SIK2: variants seen among roughly 807,000 people sequenced by gnomAD.
SIK2 encodes the protein salt inducible kinase 2.
A neutral mutation model predicts 103.2 loss-of-function variants in SIK2; 29 were observed. That is an observed-to-expected ratio of 0.28 (90% confidence interval 0.21 to 0.38). The LOEUF (loss-of-function observed/expected upper bound fraction) is 0.38, where lower values mean the gene tolerates loss of function less well. Among genes scored for constraint, SIK2 ranks in the 10% least tolerant of loss-of-function variants. The pLI, the probability that SIK2 is intolerant of heterozygous loss-of-function variation, is 1.00. For synonymous variants in SIK2, 412 were observed against 446.1 expected (o/e 0.92, Z 0.96); for missense variants, 879 against 1,171.0 (o/e 0.75, Z 3.64).
In SIK2 at chr11:111,729,167, AG is replaced by A. The variant is rs1845392359; in HGVS notation, c.*5039del. ...ATTTTTGTCCTAATTAAGGTAGCCT[AG>A]CTGATTCTAGAAGACAGCCATCCTA... On this transcript the variant is annotated 3_prime_UTR_variant, in exon 15 of 15. Transcript: ENST00000304987. The A allele has an allele frequency of 6.6e-6, 1 of 152,160 alleles. No individual in the cohort carries two copies. Among genetic ancestry groups the A allele is most frequent in the Non-Finnish European group, 1.5e-5 (1 of 68,028 alleles). 9.4% of individuals were successfully genotyped at this position (152,160 alleles called of 1,614,324 possible). A position where few individuals can be genotyped will look rare whatever the true frequency, so the allele number is the denominator to read the frequency against.
intron 3 of SIK2, among the ~76,000 whole-genome samples, chr11:111,623,163 C>G (rs1941916896): frequency 6.6e-6 from 1 of 152,136 alleles, no homozygotes; most frequent in Non-Finnish European, 1.5e-5. Flanking sequence ...CGAATCTTTT[C>G]TTCTGCCATT....
intron 3 of SIK2, among the ~76,000 whole-genome samples, chr11:111,684,701 C>T (rs2135890588): frequency 6.6e-6 from 1 of 152,306 alleles, no homozygotes; most frequent in South Asian, 2.1e-4. Flanking sequence ...GCAGAGAAGG[C>T]ACATTGTCTA....
At chr11:111,639,647 C>T (rs150186988) in intron 3 of SIK2, among the ~76,000 whole-genome samples, 456 of 152,274 alleles carry the variant, frequency 3.0e-3, no homozygotes, top group African/African-American at 0.01. Context: ...TTGTTTTCTG[C>T]CTTAAATGAG....
At chr11:111,713,860 G>A (rs565409876) in intron 9 of SIK2, among the ~76,000 whole-genome samples, 5 of 152,206 alleles carry the variant, frequency 3.3e-5, no homozygotes, top group East Asian at 1.9e-4. Flanking sequence ...CCAGCTACTC[G>A]GGAGGCTGAG....
Position 111,729,218 on chromosome 11 carries a change from ATCT to A in SIK2, c.*5093_*5095del. 1 of 152,344 alleles carries A rather than the reference ATCT, an allele frequency of 6.6e-6. No homozygotes were observed. The highest frequency in any genetic ancestry group is 2.4e-5 in the African/African-American group (1 of 41,572). 9.4% of individuals were successfully genotyped at this position (152,344 alleles called of 1,614,324 possible). On this transcript the variant is annotated 3_prime_UTR_variant, in exon 15 of 15. Transcript: ENST00000304987. ...ACGTGCACCCCCACCTTGTGTCCAC[ATCT>A]TCTCCAGGCAGGTTTCAACCTATCA...
chr11:111,702,421 C>A (rs1306727868), intron 6 of SIK2, among the ~76,000 whole-genome samples: 1 of 152,048 alleles, frequency 6.6e-6, no homozygotes, highest in African/African-American at 2.4e-5. Context: ...CCTGTCTCTA[C>A]AAAAAAGTTT....
Position 111,719,885 on chromosome 11 carries a change from A to G in SIK2, c.1377A>G (p.Glu459=), listed in dbSNP as rs755658830. Residue 459 remains glutamate (E), a synonymous_variant, in exon 10 of 15, where the codon GAA becomes GAG. Transcript: ENST00000304987. ...CCATTGACGAAGGGCTGGAGACAGA[A>G]GGAGAGGCCGAGGAAGACCCCGCTC... ...ETSIDEGLET[E]GEAEEDPAHA... is the part of the protein sequence containing the mutation. The G allele has an allele frequency of 1.2e-6, 2 of 1,614,168 alleles. No homozygotes were observed. Among genetic ancestry groups the G allele is most frequent in the South Asian group, 2.2e-5 (2 of 91,084 alleles).
rs1941600487 is a variant in SIK2, at chr11:111,602,750, G to A, written c.135+52G>A. ...TCCGAGGCGAGGGTTCGGGAGAGGA[G>A]CTGCTTACCGAGAGGGGCGGCCGCA... On this transcript the variant is annotated intron_variant, in intron 1 of 14. Coordinates refer to ENST00000304987, the MANE Select transcript of SIK2 (RefSeq NM_015191.3). This position sits in a 1 kb window ranked among gnomAD's most constrained non-coding sequence, Gnocchi z 4.5. 2.1e-6 allele frequency: 3 copies of A among 1,438,024 alleles called. No homozygotes were observed. Among genetic ancestry groups the A allele is most frequent in the African/African-American group, 1.5e-5 (1 of 67,182 alleles). The allele number at this position is 1,438,024 out of a possible 1,614,324, so 89.1% of individuals were successfully genotyped here.
intron 1 of SIK2, among the ~76,000 whole-genome samples, chr11:111,606,956 GA>G (rs61590310): frequency 3.9e-4 from 55 of 139,368 alleles, no homozygotes; most frequent in African/African-American, 1.3e-3. Flanking sequence ...TCATTAAAAA[GA>G]AAAAAAAAAA....
At chr11:111,721,155 C>T (rs1943788965) in intron 12 of SIK2, 93 bp downstream of exon 12, 7 of 1,437,632 alleles carry the variant, frequency 4.9e-6, no homozygotes, top group South Asian at 1.4e-5. Flanking sequence ...GGATTTCCTC[C>T]AGTCCTGGAG....
chr11:111,645,956 G>A (rs1942250570), intron 3 of SIK2, among the ~76,000 whole-genome samples: 1 of 152,142 alleles, frequency 6.6e-6, no homozygotes, highest in South Asian at 2.1e-4. Flanking sequence ...CTTCATGGTG[G>A]TTATGTAGGT....
chr11:111,693,085 G>C (rs1942986466), intron 4 of SIK2, among the ~76,000 whole-genome samples: 1 of 152,096 alleles, frequency 6.6e-6, no homozygotes. Flanking sequence ...TGTAATCCCA[G>C]CACTTTGAGG....
Position 111,726,718 on chromosome 11 carries a change from A to C in SIK2, c.*2589A>C, listed in dbSNP as rs533612. 4.0e-5 allele frequency: 20 copies of C among 502,882 alleles called. No individual in the cohort carries two copies. Among genetic ancestry groups the C allele is most frequent in the Non-Finnish European group, 6.4e-5 (18 of 279,982 alleles). The allele number at this position is 502,882 out of a possible 1,614,324, so 31.2% of individuals were successfully genotyped here. On this transcript the variant is annotated 3_prime_UTR_variant, in exon 15 of 15. Transcript: ENST00000304987. ...TTTCTCTTCATCACTACTAACAAAC[A>C]AAACACTAAGAAGGCTTAGTATCGC...
Position 111,723,881 on chromosome 11 carries a change from T to A in SIK2, c.2533T>A (p.Ser845Thr), listed in dbSNP as rs1268317204. The A allele has an allele frequency of 6.2e-7, 1 of 1,610,240 alleles. No individual in the cohort carries two copies. Among genetic ancestry groups the A allele is most frequent in the Non-Finnish European group, 8.5e-7 (1 of 1,177,570 alleles). ...PGAAPAPLQF[S>T]YQTCELPSAA... is the part of the protein sequence containing the mutation. ...AGCTGCCCCAGCCCCCTTACAGTTC[T>A]CCTATCAGACTTGTGAGCTGCCAAG... The change falls in exon 15 of 15, where the codon TCC (serine) becomes ACC (threonine). Residue 845 changes from serine to threonine, a missense_variant. Around this residue, in one of 7 missense-constraint regions of SIK2, gnomAD observed 375 missense variants for 416.3 expected, o/e 0.90. Coordinates refer to ENST00000304987, the MANE Select transcript of SIK2 (RefSeq NM_015191.3).
At chr11:111,694,045 G>C (rs1264199396) in intron 4 of SIK2, among the ~76,000 whole-genome samples, 1 of 152,022 alleles carries the variant, frequency 6.6e-6, no homozygotes, top group Non-Finnish European at 1.5e-5. Flanking sequence ...ATATTTGTAG[G>C]GTACTTAGAA....
rs8181517 is a variant in SIK2 at position 111,655,686 on chromosome 11, G to A, written c.317-32315G>A. Among the ~76,000 whole-genome samples, 25 of 152,222 alleles carry A rather than the reference G, an allele frequency of 1.6e-4. No homozygotes were observed. In the East Asian group the frequency reaches 4.8e-3, roughly 29 times the overall value. ...ATAGCTACCTAGGTGGAGGTCTCTT[G>A]TTATGGTCCTTCCTAGAATGGCCTG... On this transcript the variant is annotated intron_variant, in intron 3 of 14. Transcript: ENST00000304987.
At chr11:111,662,764 G>C (rs914747031) in intron 3 of SIK2, among the ~76,000 whole-genome samples, 11 of 151,912 alleles carry the variant, frequency 7.2e-5, no homozygotes, top group African/African-American at 2.7e-4. Flanking sequence ...TGTAGTCCCA[G>C]TTACTTGGGG....
At position 111,616,279 on chromosome 11, in the gene SIK2, G is replaced by A. The variant is rs1461364137; in HGVS notation, c.172G>A (p.Ala58Thr). The change falls in exon 2 of 15, where the codon GCA becomes ACA. Residue 58 changes from alanine (A) to threonine (T), a missense_variant. Physicochemically the swap from Ala to Thr is moderately conservative, Grantham distance 58. Transcript: ENST00000304987. ...AATAATCGATAAGTCTCAGCTGGATGCAGTGAACCTTGAGAAAATCTACCG... is the reference window on the plus strand; with the variant it reads ...AATAATCGATAAGTCTCAGCTGGATACAGTGAACCTTGAGAAAATCTACCG... ...IKIIDKSQLDAVNLEKIYREV... is the reference protein window; with the variant it reads ...IKIIDKSQLDTVNLEKIYREV... 1.2e-6 allele frequency: 2 copies of A among 1,613,584 alleles called. No individual in the cohort carries two copies. Among genetic ancestry groups the A allele is most frequent in the South Asian group, 2.2e-5 (2 of 91,050 alleles).
chr11:111,697,499 C>T (rs1485855305), intron 4 of SIK2, among the ~76,000 whole-genome samples: 2 of 152,120 alleles, frequency 1.3e-5, no homozygotes, highest in African/African-American at 2.4e-5. Flanking sequence ...ATGTTTCAAT[C>T]GCAATATAAT....
Sources: gnomAD v4.1 joint callset for allele counts (sites outside exome capture counted in the v4.1 genomes callset) on GRCh38, gnomAD v4.1.1 for gene constraint, gnomAD v4.1.1 regional missense constraint, Gnocchi (gnomAD v3.1) non-coding constraint, MANE v1.5 for transcripts, NCBI Gene and HGNC (gene_info 2026-07-23, HGNC 2026-07-21) for gene names.